ABCD4: variants seen among roughly 807,000 people sequenced by gnomAD.
The protein encoded by ABCD4 is ATP binding cassette subfamily D member 4, also known as lysosomal cobalamin transporter ABCD4.
A neutral mutation model predicts 86.3 loss-of-function variants in ABCD4; 53 were observed. That is an observed-to-expected ratio of 0.61 (90% CI 0.49 to 0.77). The LOEUF (loss-of-function observed/expected upper bound fraction) is 0.77, where lower values mean the gene tolerates loss of function less well. Ranked by LOEUF, ABCD4 falls within the 30% of genes least tolerant of loss-of-function variation. ABCD4 has a pLI of 0.00. For missense variants in ABCD4, 757 were observed against 764.5 expected (o/e 0.99, Z 0.12); for synonymous variants, 328 against 313.6 (o/e 1.05, Z -0.49).
At position 74,290,103 on chromosome 14, in the gene ABCD4, A is replaced by T. The variant is rs1465743025; in HGVS notation, c.1343T>A (p.Leu448Gln). ...WTSTRGSVQM[L>Q]TDFGPHGVLF... ...CACCCCATGGGGCCCAAAGTCCGTCAGCATCTGCACTGAGCCTGCAGAGCC... is the reference window on the plus strand; with the variant it reads ...CACCCCATGGGGCCCAAAGTCCGTCTGCATCTGCACTGAGCCTGCAGAGCC... Residue 448 changes from leucine (L) to glutamine (Q), a missense_variant, in exon 13 of 19, where the codon CTG (leucine) becomes CAG (glutamine). Leu to Gln is a moderately radical substitution (Grantham distance 113, BLOSUM62 -2). Transcript: ENST00000356924. The T allele has an allele frequency of 4.3e-6, 7 of 1,614,060 alleles. No individual in the cohort carries two copies. The highest frequency in any genetic ancestry group is 5.9e-6 in the Non-Finnish European group (7 of 1,180,030).
chr14:74,289,648 C>A, intron 13 of ABCD4, 129 bp from the exon 14 acceptor site: 1 of 1,490,704 alleles, frequency 6.7e-7, no homozygotes, highest in South Asian at 1.4e-5. Flanking sequence ...TGGCCTGGGT[C>A]AGATGGGAGA....
At chr14:74,288,095 G>A (rs1248766543) in intron 16 of ABCD4, 112 bp downstream of exon 16, 4 of 1,293,890 alleles carry the variant, frequency 3.1e-6, no homozygotes, top group Non-Finnish European at 4.3e-6. Flanking sequence ...CGACTGACCA[G>A]CCAAACATCT....
rs1243277113 is a variant in ABCD4 at position 74,285,569 on chromosome 14, T to C, written c.*892A>G. ...AAGTACAGAAGCCTGGCAAAAATTA[T>C]GAAGGTAAGGAAGGTAATACATAGA... On this transcript the variant is annotated 3_prime_UTR_variant, in exon 19 of 19. Transcript: ENST00000356924. 6.6e-6 allele frequency: 1 copy of C among 152,182 alleles called. No homozygotes were observed. Among genetic ancestry groups the C allele is most frequent in the East Asian group, 1.9e-4 (1 of 5,204 alleles). 9.4% of individuals were successfully genotyped at this position (152,182 alleles called of 1,614,324 possible).
intron 17 of ABCD4, 77 bp downstream of exon 17, chr14:74,287,733 G>A (rs1257702244): frequency 2.2e-6 from 3 of 1,356,926 alleles, no homozygotes; most frequent in East Asian, 2.5e-5. Context: ...GTGTGCCTGG[G>A]TGCCTGTGAA....
In ABCD4 at chr14:74,296,455, G is replaced by A; in HGVS notation, c.426-6C>T. The A allele has an allele frequency of 6.2e-7, 1 of 1,613,764 alleles. No homozygotes were observed. Among genetic ancestry groups the A allele is most frequent in the South Asian group, 1.1e-5 (1 of 91,076 alleles). Reference sequence around the variant, plus strand: ...CCTGGCTGATGCGCTGGTCCCTGGAGCCAATGACACAGAGTAGCTGGACCC... The same window carrying A: ...CCTGGCTGATGCGCTGGTCCCTGGAACCAATGACACAGAGTAGCTGGACCC... On this transcript the variant is annotated splice_polypyrimidine_tract_variant and splice_region_variant and intron_variant, in intron 4 of 18. Coordinates refer to ENST00000356924, the MANE Select transcript of ABCD4 (RefSeq NM_005050.4).
chr14:74,301,595 C>G (rs2084541911), intron 1 of ABCD4, among the ~76,000 whole-genome samples: 1 of 152,182 alleles, frequency 6.6e-6, no homozygotes, highest in African/African-American at 2.4e-5. Flanking sequence ...AAAATGTAGG[C>G]CGGGAGCAGT....
chr14:74,295,900 T>TG lies in ABCD4; in HGVS notation c.621dup (p.Ile208HisfsTer16). ...TCCTGATGCACCAGCTTCATCACAATGGGGCCCATCAAAGTTTTGTTCACC... is the reference window on the plus strand; with the variant it reads ...TCCTGATGCACCAGCTTCATCACAATGGGGGCCCATCAAAGTTTTGTTCACC... On this transcript the variant is annotated frameshift_variant, in exon 6 of 19. Coordinates refer to ENST00000356924, the MANE Select transcript of ABCD4 (RefSeq NM_005050.4). LOFTEE classifies it high-confidence loss of function. 1 of 1,613,302 alleles carries TG rather than the reference T, an allele frequency of 6.2e-7. No individual in the cohort carries two copies. The highest frequency in any genetic ancestry group is 8.5e-7 in the Non-Finnish European group (1 of 1,179,844).
At chr14:74,294,707 T>C (rs76818718) in intron 7 of ABCD4, 4,630 of 167,726 alleles carry the variant, frequency 0.028, 144 homozygotes, top group Admixed American at 0.092. Context: ...TTGGCTCCAT[T>C]AGACAGCATT....
Position 74,286,712 on chromosome 14 carries a change from T to G in ABCD4, c.1741A>C (p.Ser581Arg). ...MTFISVGHRQSLEKFHSLVLK... is the reference protein window; with the variant it reads ...MTFISVGHRQRLEKFHSLVLK... ...GTGAGCACGGGTACCTTCTCAAGGCTCTGCCGATGTCCCACACTGATGAAC... is the reference window on the plus strand; with the variant it reads ...GTGAGCACGGGTACCTTCTCAAGGCGCTGCCGATGTCCCACACTGATGAAC... The change falls in exon 18 of 19, where the codon AGC becomes CGC. Residue 581 changes from serine (S) to arginine (R), a missense_variant. Physicochemically the swap from Ser to Arg is moderately radical, Grantham distance 110. Transcript: ENST00000356924. The G allele has an allele frequency of 6.2e-7, 1 of 1,614,124 alleles. No individual in the cohort carries two copies. The highest frequency in any genetic ancestry group is 8.5e-7 in the Non-Finnish European group (1 of 1,180,038).
At chr14:74,297,667 C>T (rs1002966559) in intron 4 of ABCD4, 2 of 1,137,574 alleles carry the variant, frequency 1.8e-6, no homozygotes, top group South Asian at 3.3e-5. Flanking sequence ...TCAAGTGATC[C>T]TCCTGCCTCA....
Position 74,287,863 on chromosome 14 carries a change from T to C in ABCD4, c.1583A>G (p.Glu528Gly). 3 of 1,613,026 alleles carry C rather than the reference T, an allele frequency of 1.9e-6. No homozygotes were observed. Among genetic ancestry groups the C allele is most frequent in the Non-Finnish European group, 2.5e-6 (3 of 1,179,560 alleles). ...WNWYDVLSPG[E>G]MQRLSFARLF... ...TCGGGCAAAGGAGAGCCGTTGCATCTCCCCCGGGGACAGAACATCATACCT... is the reference window on the plus strand; with the variant it reads ...TCGGGCAAAGGAGAGCCGTTGCATCCCCCCCGGGGACAGAACATCATACCT... Residue 528 changes from glutamate (E) to glycine (G), a missense_variant, in exon 17 of 19, where the codon GAG (glutamate) becomes GGG (glycine). Transcript: ENST00000356924.
intron 2 of ABCD4, 74 bp downstream of exon 2, chr14:74,300,063 CAAAAAAAAAAAAA>C (rs10557205): frequency 8.2e-5 from 27 of 329,092 alleles, no homozygotes; most frequent in African/African-American, 2.5e-4. Flanking sequence ...AACTCTGTCT[CAAAAAAAAAAAAA>C]AAAAAAAAAA....
At chr14:74,288,631 C>G in intron 15 of ABCD4, 85 bp downstream of exon 15, 1 of 1,495,314 alleles carries the variant, frequency 6.7e-7, no homozygotes, top group Non-Finnish European at 9.2e-7. Context: ...GTCCTGGGCC[C>G]AAGCATAGCA....
In ABCD4 at chr14:74,289,315, T is replaced by TG. The variant is rs528789286; in HGVS notation, c.1456+167dup. ...AGGACAGAAAGAATGAGGTGAGATC[T>TG]GGGTACAGACCCCAAAACAGTCAAA... is the stretch of plus-strand genomic sequence containing the variant. On this transcript the variant is annotated intron_variant, in intron 14 of 18. Coordinates refer to ENST00000356924, the MANE Select transcript of ABCD4 (RefSeq NM_005050.4). 874 of 1,421,966 alleles carry TG rather than the reference T, an allele frequency of 6.1e-4. 5 individuals carry two copies. In the African/African-American group the frequency reaches 0.011, roughly 17 times the overall value. 88.1% of individuals were successfully genotyped at this position (1,421,966 alleles called of 1,614,324 possible). A position where few individuals can be genotyped will look rare whatever the true frequency, so the allele number is the denominator to read the frequency against.
intron 17 of ABCD4, 39 bp from the exon 18 acceptor site, chr14:74,286,855 G>A: frequency 6.4e-7 from 1 of 1,573,836 alleles, no homozygotes; most frequent in Non-Finnish European, 8.7e-7. Flanking sequence ...TCAAAGCCCT[G>A]CCCTCTGCCG....
Position 74,286,773 on chromosome 14 carries a change from G to C in ABCD4, c.1680C>G (p.Ser560Arg), listed in dbSNP as rs138753274. 6.2e-7 allele frequency: 1 copy of C among 1,614,062 alleles called. No homozygotes were observed. The highest frequency in any genetic ancestry group is 8.5e-7 in the Non-Finnish European group (1 of 1,180,038). Residue 560 changes from serine (S) to arginine (R), a missense_variant, in exon 18 of 19, where the codon AGC (serine) becomes AGG (arginine). Physicochemically the swap from Ser to Arg is moderately radical, Grantham distance 110. Coordinates refer to ENST00000356924, the MANE Select transcript of ABCD4 (RefSeq NM_005050.4). ...GCTGCTGGCCGATGCGATAGAGCTCGCTCTCCACTTCCTCTGTCAGGGCAC... is the reference window on the plus strand; with the variant it reads ...GCTGCTGGCCGATGCGATAGAGCTCCCTCTCCACTTCCTCTGTCAGGGCAC... Reference protein sequence around the residue: ...ATSALTEEVESELYRIGQQLG... With the variant: ...ATSALTEEVERELYRIGQQLG...
chr14:74,299,371 G>T (rs2083704100), intron 3 of ABCD4, 177 bp downstream of exon 3: 1 of 733,030 alleles, frequency 1.4e-6, no homozygotes, highest in Non-Finnish European at 2.2e-6. Context: ...GTCCCACGTG[G>T]GCCAATAGCA....
intron 13 of ABCD4, 160 bp downstream of exon 13, chr14:74,289,867 T>C (rs1030862382): frequency 1.9e-5 from 28 of 1,469,546 alleles, no homozygotes; most frequent in Non-Finnish European, 2.3e-5. Context: ...TGGATGTGAA[T>C]AGAAGGTTCT....
intron 11 of ABCD4, among the ~76,000 whole-genome samples, chr14:74,291,621 G>T (rs2081507808): frequency 6.6e-6 from 1 of 152,170 alleles, no homozygotes; most frequent in African/African-American, 2.4e-5. Flanking sequence ...TGCACTCATG[G>T]TTGCATGAAG....
Sources: allele counts gnomAD v4.1 joint callset (sites outside exome capture counted in the v4.1 genomes callset), GRCh38; gene constraint gnomAD v4.1.1; transcripts MANE v1.5; gene names NCBI Gene and HGNC (gene_info 2026-07-23, HGNC 2026-07-21).